The following RTN4 variants were observed in gnomAD, a reference collection of about 807,000 sequenced individuals.
The protein encoded by RTN4 is reticulon-4.
RTN4 carries 32 observed loss-of-function variants against 90.4 expected under a neutral mutation model. That is an observed-to-expected ratio of 0.35 (90% CI 0.27 to 0.48). RTN4 has a LOEUF of 0.48. Among genes scored for constraint, RTN4 ranks in the 20% least tolerant of loss-of-function variants. RTN4 has a pLI of 0.99. For synonymous variants in RTN4, 629 were observed against 552.5 expected (o/e 1.14, Z -1.94); for missense variants, 1,706 against 1,430.2 (o/e 1.19, Z -3.11).
chr2:54,974,722 A>T lies in RTN4; in HGVS notation c.3403T>A (p.Phe1135Ile). 1 of 1,614,080 alleles carries T rather than the reference A, an allele frequency of 6.2e-7. No individual in the cohort carries two copies. The highest frequency in any genetic ancestry group is 8.5e-7 in the Non-Finnish European group (1 of 1,179,912). Reference sequence around the variant, plus strand: ...AAAATCAGTAGTGTCAGACCATTAAACAAGGCACCAACATAGGTAAATACC... The same window carrying T: ...AAAATCAGTAGTGTCAGACCATTAATCAAGGCACCAACATAGGTAAATACC... Reference protein sequence around the residue: ...MWVFTYVGALFNGLTLLILAL... With the variant: ...MWVFTYVGALINGLTLLILAL... The change falls in exon 6 of 9, where the codon TTT becomes ATT. Residue 1135 changes from phenylalanine to isoleucine, a missense_variant. Transcript: ENST00000337526.
At chr2:55,048,389 C>A (rs890775708) in intron 1 of RTN4, among the ~76,000 whole-genome samples, 5 of 152,114 alleles carry the variant, frequency 3.3e-5, no homozygotes, top group South Asian at 2.1e-4. Context: ...TGTATCTTTT[C>A]TATTTTATAA....
At chr2:54,993,335 G>A (rs1285467066) in intron 3 of RTN4, among the ~76,000 whole-genome samples, 1 of 152,034 alleles carries the variant, frequency 6.6e-6, no homozygotes, top group African/African-American at 2.4e-5. Context: ...TTTCCCAGTA[G>A]GCTTTCCTAT....
intron 1 of RTN4, among the ~76,000 whole-genome samples, chr2:55,109,195 T>C (rs1254926630): frequency 6.6e-6 from 1 of 152,126 alleles, no homozygotes; most frequent in Non-Finnish European, 1.5e-5. Flanking sequence ...TAAATTCCTT[T>C]AAAAATAAAA....
chr2:54,976,053 C>G (rs1221342169), intron 5 of RTN4, among the ~76,000 whole-genome samples: 1 of 152,150 alleles, frequency 6.6e-6, no homozygotes, highest in Admixed American at 6.5e-5. Flanking sequence ...AACTTTTGCA[C>G]TTGAGCAAGT....
intron 3 of RTN4, among the ~76,000 whole-genome samples, chr2:55,009,715 T>A (rs1680493957): frequency 6.6e-6 from 1 of 152,128 alleles, no homozygotes; most frequent in Non-Finnish European, 1.5e-5. Context: ...CCAAGTAAGG[T>A]TTTTTAAAAT....
chr2:55,136,305 C>T, the RTN4 span, among the ~76,000 whole-genome samples: 1 of 152,238 alleles, frequency 6.6e-6, no homozygotes, highest in Admixed American at 6.5e-5. Flanking sequence ...CCTGTGCACA[C>T]GGCCCCTTCC....
At chr2:55,094,104 G>GTGA (rs1203415070) in intron 1 of RTN4, among the ~76,000 whole-genome samples, 27 of 152,312 alleles carry the variant, frequency 1.8e-4, no homozygotes, top group African/African-American at 6.3e-4. Context: ...CACCCTCAGT[G>GTGA]TGATGGTATT....
At chr2:54,990,566 C>T (rs1373007701) in intron 3 of RTN4, among the ~76,000 whole-genome samples, 3 of 151,166 alleles carry the variant, frequency 2.0e-5, no homozygotes, top group Non-Finnish European at 2.9e-5. Context: ...AATCATCTTA[C>T]TCAATACTTA....
chr2:55,093,054 G>A (rs1021229377), intron 1 of RTN4, among the ~76,000 whole-genome samples: 2 of 152,190 alleles, frequency 1.3e-5, no homozygotes, highest in Admixed American at 6.5e-5. Flanking sequence ...GTGTACGTGT[G>A]TAAAATATCA....
chr2:55,068,445 A>G (rs748095667), intron 2 of RTN4, among the ~76,000 whole-genome samples: 6 of 152,156 alleles, frequency 3.9e-5, no homozygotes, highest in Non-Finnish European at 8.8e-5. Context: ...GTCTTTTAGT[A>G]CTAGGAAACT....
chr2:55,048,926 C>G (rs569449383), intron 1 of RTN4, among the ~76,000 whole-genome samples: 48 of 152,266 alleles, frequency 3.2e-4, no homozygotes, highest in African/African-American at 9.4e-4. Context: ...CAAGTCCACA[C>G]TAACAGCAAT....
intron 3 of RTN4, among the ~76,000 whole-genome samples, chr2:55,019,325 A>G (rs1681261350): frequency 6.6e-6 from 1 of 152,172 alleles, no homozygotes; most frequent in South Asian, 2.1e-4. Flanking sequence ...AGAATCATCA[A>G]TGGTTTACTA....
At chr2:55,000,756 A>G (rs991984014) in intron 3 of RTN4, among the ~76,000 whole-genome samples, 1 of 152,196 alleles carries the variant, frequency 6.6e-6, no homozygotes, top group Admixed American at 6.5e-5. Context: ...TTAAAAGACT[A>G]TATTAATACT....
At chr2:55,017,811 C>G (rs892400151) in intron 3 of RTN4, among the ~76,000 whole-genome samples, 4 of 152,072 alleles carry the variant, frequency 2.6e-5, no homozygotes, top group African/African-American at 9.7e-5. Context: ...AGATGGCAAC[C>G]AACTTTCTTG....
At chr2:54,995,732 C>A (rs1379474622) in intron 3 of RTN4, among the ~76,000 whole-genome samples, 2 of 152,200 alleles carry the variant, frequency 1.3e-5, no homozygotes. Flanking sequence ...CCCCCACACT[C>A]ATTATGAGAC....
At chr2:55,134,882 T>G in the RTN4 span, among the ~76,000 whole-genome samples, 99 of 152,328 alleles carry the variant, frequency 6.5e-4, no homozygotes, top group Non-Finnish European at 6.8e-4. Flanking sequence ...CTAGAGGGTC[T>G]AGATCTCTGC....
rs1486193808 is a variant in RTN4, at chr2:54,973,212, A to G, written c.3537-14T>C. The G allele has an allele frequency of 2.5e-6, 4 of 1,598,610 alleles. No individual in the cohort carries two copies. The highest frequency in any genetic ancestry group is 3.4e-6 in the Non-Finnish European group (4 of 1,167,430). Reference sequence around the variant, plus strand: ...TTTGCTTGGATTCTGAAAATGAAAAAGTCAATGTAAATATCAGTTTTGTTT... The same window carrying G: ...TTTGCTTGGATTCTGAAAATGAAAAGGTCAATGTAAATATCAGTTTTGTTT... On this transcript the variant is annotated splice_polypyrimidine_tract_variant and intron_variant, in intron 8 of 8. Transcript: ENST00000337526.
chr2:55,050,117 C>T lies in RTN4; in HGVS notation c.184G>A (p.Gly62Arg), dbSNP rs190624391. ...GTGGGCACTGGGGCCGCGGACAGCC[C>T]GGCGGCGGGCTTCCTCTCCAGCACC... Reference protein sequence around the residue: ...LEVLERKPAAGLSAAPVPTAP... With the variant: ...LEVLERKPAARLSAAPVPTAP... Residue 62 changes from glycine (G) to arginine (R), a missense_variant, in exon 1 of 9, where the codon GGG becomes AGG. Gly to Arg is a moderately radical substitution (Grantham distance 125). Transcript: ENST00000337526. This position sits in a 1 kb window ranked among gnomAD's most constrained non-coding sequence, Gnocchi z 4.6. The T allele has an allele frequency of 2.3e-4, 350 of 1,508,122 alleles. 1 individual carries two copies. In the African/African-American group the frequency reaches 4.3e-3, roughly 19 times the overall value. The allele number at this position is 1,508,122 out of a possible 1,614,324, so 93.4% of individuals were successfully genotyped here.
chr2:55,009,920 T>C (rs1262127488), intron 3 of RTN4, among the ~76,000 whole-genome samples: 1 of 152,238 alleles, frequency 6.6e-6, no homozygotes, highest in African/African-American at 2.4e-5. Flanking sequence ...TTTTCTGGTA[T>C]ACAACCAAAT....
Sources: allele counts gnomAD v4.1 joint callset (sites outside exome capture counted in the v4.1 genomes callset), GRCh38; gene constraint gnomAD v4.1.1; non-coding constraint Gnocchi (gnomAD v3.1); transcripts MANE v1.5; gene names NCBI Gene and HGNC (gene_info 2026-07-23, HGNC 2026-07-21).